RAI14: variants seen among roughly 807,000 people sequenced by gnomAD.
The protein encoded by RAI14 is ankycorbin.
A neutral mutation model predicts 115.4 loss-of-function variants in RAI14; 45 were observed. The ratio of observed to expected loss-of-function variants is 0.39; its 90% CI spans 0.31 to 0.50. The LOEUF (loss-of-function observed/expected upper bound fraction) is 0.50. RAI14 is among the 20% of genes least tolerant of loss of function. RAI14 has a pLI of 0.85. For synonymous variants in RAI14, 371 were observed against 415.4 expected (o/e 0.89, Z 1.30); for missense variants, 939 against 1,131.2 (o/e 0.83, Z 2.44).
chr5:34,830,371 A>C (rs1413808629), intron 17 of RAI14, among the ~76,000 whole-genome samples: 1 of 152,168 alleles, frequency 6.6e-6, no homozygotes, highest in African/African-American at 2.4e-5. Context: ...TGATCTTCTT[A>C]GTTACCAGTG....
intron 2 of RAI14, among the ~76,000 whole-genome samples, chr5:34,746,085 A>ACC (rs1250525639): frequency 3.3e-3 from 110 of 33,348 alleles, no homozygotes; most frequent in South Asian, 5.2e-3. Flanking sequence ...CTTATACACC[A>ACC]CCCCCTCCCC....
At chr5:34,700,622 A>G (rs997189049) in intron 2 of RAI14, among the ~76,000 whole-genome samples, 5 of 152,204 alleles carry the variant, frequency 3.3e-5, no homozygotes, top group Non-Finnish European at 7.3e-5. Context: ...TTATCCATGT[A>G]ATGGACAGAA....
chr5:34,796,324 G>A (rs796804777), intron 4 of RAI14, among the ~76,000 whole-genome samples: 10 of 152,134 alleles, frequency 6.6e-5, no homozygotes, highest in African/African-American at 2.4e-4. Context: ...CTGGAATCCT[G>A]GAGGCGGAGG....
At chr5:34,822,343 A>G (rs1756944962) in intron 14 of RAI14, among the ~76,000 whole-genome samples, 1 of 149,882 alleles carries the variant, frequency 6.7e-6, no homozygotes, top group African/African-American at 2.4e-5. Flanking sequence ...TGGCTGTACC[A>G]AAAAATAAGA....
At chr5:34,750,209 G>T (rs1561308526) in intron 2 of RAI14, among the ~76,000 whole-genome samples, 2 of 152,078 alleles carry the variant, frequency 1.3e-5, no homozygotes, top group African/African-American at 4.8e-5. Context: ...CAGGGACACG[G>T]ATGACCACCT....
chr5:34,741,758 A>C (rs1426930629), intron 2 of RAI14, among the ~76,000 whole-genome samples: 3 of 152,204 alleles, frequency 2.0e-5, no homozygotes, highest in African/African-American at 4.8e-5. Context: ...GTTTTGAATA[A>C]GGAAGTGAGC....
intron 2 of RAI14, among the ~76,000 whole-genome samples, chr5:34,725,853 T>G (rs1301631631): frequency 6.6e-6 from 1 of 150,620 alleles, no homozygotes; most frequent in African/African-American, 2.4e-5. Context: ...AATCAGCTAC[T>G]TGGGAGGCTG....
At chr5:34,829,174 C>T (rs1048597593) in intron 16 of RAI14, among the ~76,000 whole-genome samples, 24 of 114,022 alleles carry the variant, frequency 2.1e-4, no homozygotes, top group African/African-American at 3.2e-4. Context: ...CACACACACA[C>T]ACATACACAC....
At chr5:34,775,903 C>T (rs1750773988) in intron 3 of RAI14, among the ~76,000 whole-genome samples, 1 of 152,146 alleles carries the variant, frequency 6.6e-6, no homozygotes, top group Non-Finnish European at 1.5e-5. Flanking sequence ...TATGATACAG[C>T]AATCCCACTG....
intron 2 of RAI14, among the ~76,000 whole-genome samples, chr5:34,699,667 A>C (rs1286120965): frequency 6.6e-6 from 1 of 152,172 alleles, no homozygotes; most frequent in African/African-American, 2.4e-5. Flanking sequence ...TTTTGGGGGA[A>C]ACACGATTCA....
At chr5:34,798,455 A>C (rs1049994850) in intron 4 of RAI14, among the ~76,000 whole-genome samples, 1 of 152,072 alleles carries the variant, frequency 6.6e-6, no homozygotes, top group Non-Finnish European at 1.5e-5. Context: ...GAAAAAAAAT[A>C]TTTCTATTTT....
At chr5:34,669,670 A>G (rs1743484428) in intron 1 of RAI14, among the ~76,000 whole-genome samples, 1 of 152,158 alleles carries the variant, frequency 6.6e-6, no homozygotes, top group African/African-American at 2.4e-5. Context: ...CATTTGTATA[A>G]TATCAGTGTT....
intron 3 of RAI14, among the ~76,000 whole-genome samples, chr5:34,784,721 T>A (rs1189005348): frequency 6.6e-6 from 1 of 152,228 alleles, no homozygotes; most frequent in Non-Finnish European, 1.5e-5. Context: ...CTTCTCTGGA[T>A]CTATTCTATT....
At chr5:34,726,841 A>T (rs1390492222) in intron 2 of RAI14, among the ~76,000 whole-genome samples, 1 of 152,172 alleles carries the variant, frequency 6.6e-6, no homozygotes, top group Non-Finnish European at 1.5e-5. Context: ...GTCATGCGTA[A>T]CTGTGAATTC....
chr5:34,714,856 A>G (rs1741811380), intron 2 of RAI14, among the ~76,000 whole-genome samples: 1 of 152,116 alleles, frequency 6.6e-6, no homozygotes, highest in African/African-American at 2.4e-5. Flanking sequence ...TGGAAGGATC[A>G]ATGACTCTAG....
intron 3 of RAI14, among the ~76,000 whole-genome samples, chr5:34,771,884 A>G (rs1478857100): frequency 6.6e-6 from 1 of 152,046 alleles, no homozygotes; most frequent in African/African-American, 2.4e-5. Context: ...GTTATATTAC[A>G]TAGGGTGTCA....
At chr5:34,768,944 G>A (rs1320585892) in intron 3 of RAI14, among the ~76,000 whole-genome samples, 4 of 151,710 alleles carry the variant, frequency 2.6e-5, no homozygotes, top group Non-Finnish European at 5.9e-5. Context: ...AGCCGAGATG[G>A]TGCCACTGCA....
intron 4 of RAI14, among the ~76,000 whole-genome samples, chr5:34,799,685 A>ATTT (rs57115550): frequency 0.023 from 2,375 of 103,324 alleles, 125 homozygotes; most frequent in East Asian, 0.07. Context: ...ATCTGTTAGC[A>ATTT]TTTTTTTTTT....
rs922897974 is a variant in RAI14 at position 34,812,351 on chromosome 5, A to G, written c.765+143A>G. 4.9e-5 allele frequency: 42 copies of G among 860,268 alleles called. 2 individuals carry two copies. In the South Asian group the frequency reaches 7.4e-4, roughly 15 times the overall value. 53.3% of individuals were successfully genotyped at this position (860,268 alleles called of 1,614,324 possible). A position where few individuals can be genotyped will look rare whatever the true frequency, so the allele number is the denominator to read the frequency against. On this transcript the variant is annotated intron_variant, in intron 10 of 17. Transcript: ENST00000265109. ...TAGGGACTGAAATATCTTTGAATAA[A>G]TAAGTCATTGTTATAAGGTGTTAAA...
Sources: allele counts gnomAD v4.1 joint callset (sites outside exome capture counted in the v4.1 genomes callset), GRCh38; gene constraint gnomAD v4.1.1; transcripts MANE v1.5; gene names NCBI Gene and HGNC (gene_info 2026-07-23, HGNC 2026-07-21).